The following WDSUB1 variants were observed in gnomAD, a reference collection of about 807,000 sequenced individuals.
The protein encoded by WDSUB1 is WD repeat, SAM and U-box domain-containing protein 1.
Under a neutral mutation model 53.9 loss-of-function variants are expected in WDSUB1, and 49 were observed. The ratio of observed to expected loss-of-function variants is 0.91; its 90% CI spans 0.72 to 1.15. WDSUB1 has a LOEUF of 1.15. Ranked by LOEUF, WDSUB1 falls within the 50% of genes most tolerant of loss-of-function variation. WDSUB1 has a pLI of 0.00. For synonymous variants in WDSUB1, 194 were observed against 200.6 expected, an observed-to-expected ratio of 0.97 and a Z score of 0.28; for missense variants, 514 against 562.0, an observed-to-expected ratio of 0.91 and a Z score of 0.86.
chr2:159,250,577 C>T (rs2060928968), intron 9 of WDSUB1, among the ~76,000 whole-genome samples: 2 of 152,286 alleles, frequency 1.3e-5, no homozygotes, highest in East Asian at 3.9e-4. Flanking sequence ...TTTATCGAGT[C>T]CACCTCTTCC....
At chr2:159,247,804 A>C (rs923579439) in intron 10 of WDSUB1, among the ~76,000 whole-genome samples, 1 of 145,752 alleles carries the variant, frequency 6.9e-6, no homozygotes, top group Non-Finnish European at 1.5e-5. Context: ...AAGCTATTCA[A>C]AGTGAAAACT....
chr2:159,271,594 C>A, intron 5 of WDSUB1, 108 bp downstream of exon 5: 1 of 944,636 alleles, frequency 1.1e-6, no homozygotes, highest in Admixed American at 2.2e-5. Context: ...TATTTCTTGA[C>A]CTTTGTGGTG....
At chr2:159,253,550 T>C (rs1275370056) in intron 9 of WDSUB1, among the ~76,000 whole-genome samples, 2 of 145,648 alleles carry the variant, frequency 1.4e-5, no homozygotes, top group African/African-American at 2.4e-5. Context: ...ATATACGACT[T>C]TGGTCTCAAA....
At chr2:159,265,746 T>C (rs556441904) in intron 5 of WDSUB1, among the ~76,000 whole-genome samples, 1 of 152,288 alleles carries the variant, frequency 6.6e-6, no homozygotes, top group South Asian at 2.1e-4. Flanking sequence ...CAGCGGCTGA[T>C]ATATATAATG....
At chr2:159,249,241 A>C (rs1467017229) in intron 9 of WDSUB1, among the ~76,000 whole-genome samples, 2 of 152,246 alleles carry the variant, frequency 1.3e-5, no homozygotes, top group African/African-American at 4.8e-5. Flanking sequence ...GAAACTGGAT[A>C]TATTTGCTGA....
At chr2:159,269,661 A>C (rs2061410412) in intron 5 of WDSUB1, among the ~76,000 whole-genome samples, 1 of 152,254 alleles carries the variant, frequency 6.6e-6, no homozygotes, top group African/African-American at 2.4e-5. Context: ...ATAGCAATAC[A>C]CAACAATAAT....
chr2:159,243,839 C>T (rs867404650), intron 10 of WDSUB1, among the ~76,000 whole-genome samples: 2 of 152,092 alleles, frequency 1.3e-5, no homozygotes, highest in African/African-American at 4.8e-5. Flanking sequence ...CTATATATAA[C>T]AGCCAACAAT....
At chr2:159,275,465 G>T in intron 4 of WDSUB1, 81 bp downstream of exon 4, 1 of 1,133,040 alleles carries the variant, frequency 8.8e-7, no homozygotes, top group Non-Finnish European at 1.3e-6. Flanking sequence ...AGATACTCAA[G>T]GTACCTTAAG....
At chr2:159,273,104 G>A (rs2061474485) in intron 4 of WDSUB1, among the ~76,000 whole-genome samples, 1 of 152,138 alleles carries the variant, frequency 6.6e-6, no homozygotes, top group Non-Finnish European at 1.5e-5. Context: ...AAAGTTTCAA[G>A]CTCAAAACAG....
intron 10 of WDSUB1, among the ~76,000 whole-genome samples, chr2:159,241,087 AC>A (rs1559523963): frequency 6.6e-6 from 1 of 152,230 alleles, no homozygotes. Context: ...TCAGAGTATA[AC>A]CAAGTATAAC....
chr2:159,282,822 G>C lies in WDSUB1; in HGVS notation c.248C>G (p.Thr83Ser). The C allele has an allele frequency of 1.2e-6, 2 of 1,614,190 alleles. No homozygotes were observed. The highest frequency in any genetic ancestry group is 1.7e-6 in the Non-Finnish European group (2 of 1,180,046). The change falls in exon 2 of 11, where the codon ACT (threonine) becomes AGT (serine). Residue 83 changes from threonine (T) to serine (S), a missense_variant. Physicochemically the swap from Thr to Ser is moderately conservative, Grantham distance 58 (BLOSUM62 1). Coordinates refer to ENST00000359774, the MANE Select transcript of WDSUB1 (RefSeq NM_001128212.3). ...CACTGCCAGCATCTGTCCATTTTCA[G>C]TATTCCATAGGACAGTGGTACCATC... Reference protein sequence around the residue: ...STDGTTVLWNTENGQMLAVME... With the variant: ...STDGTTVLWNSENGQMLAVME...
At chr2:159,261,896 ATTTTTTTTTTTTTTTTTTTTTT>A (rs869067609) in intron 5 of WDSUB1, among the ~76,000 whole-genome samples, 5 of 22,630 alleles carry the variant, frequency 2.2e-4, no homozygotes, top group African/African-American at 2.8e-4. Context: ...ATATATATAT[ATTTTTTTTTTTTTTTTTTTTTT>A]TTTTTTTTTT....
intron 10 of WDSUB1, among the ~76,000 whole-genome samples, chr2:159,247,894 T>TATATATATATAAAA (rs1283473239): frequency 2.3e-5 from 1 of 43,832 alleles, no homozygotes; most frequent in Non-Finnish European, 5.3e-5. Context: ...TAAATATATA[T>TATATATATATAAAA]ATATATATAT....
In WDSUB1 at chr2:159,282,681, T is replaced by A; in HGVS notation, c.389A>T (p.Lys130Ile). The A allele has an allele frequency of 6.2e-7, 1 of 1,610,424 alleles. No individual in the cohort carries two copies. Among genetic ancestry groups the A allele is most frequent in the Non-Finnish European group, 8.5e-7 (1 of 1,176,920 alleles). ...ATTTAAATATCCATACCTATATAAT[T>A]TGTATGACTGTGCATTCCACAAAAC... The part of the protein sequence containing the change: ...TVVLWNAQSY[K>I]LYRCGSVKDG... The change falls in exon 2 of 11, where the codon AAA becomes ATA. Residue 130 changes from lysine (K) to isoleucine (I), a missense_variant. Coordinates refer to ENST00000359774, the MANE Select transcript of WDSUB1 (RefSeq NM_001128212.3).
At chr2:159,284,662 A>C (rs1397920450) in intron 1 of WDSUB1, among the ~76,000 whole-genome samples, 1 of 152,244 alleles carries the variant, frequency 6.6e-6, no homozygotes, top group Admixed American at 6.5e-5. Flanking sequence ...AAAACCTAAG[A>C]AAGTGTCAAA....
intron 10 of WDSUB1, among the ~76,000 whole-genome samples, chr2:159,247,586 A>G (rs550708302): frequency 6.6e-6 from 1 of 152,216 alleles, no homozygotes; most frequent in African/African-American, 2.4e-5. Flanking sequence ...AAATGTGTCA[A>G]ACTGTTTTCA....
chr2:159,250,086 C>T (rs1325196894), intron 9 of WDSUB1, among the ~76,000 whole-genome samples: 1 of 41,240 alleles, frequency 2.4e-5, no homozygotes. Flanking sequence ...GAGACTCTGC[C>T]TCAAAAAAAA....
intron 3 of WDSUB1, 106 bp from the exon 4 acceptor site, chr2:159,275,744 T>C: frequency 1.2e-6 from 1 of 806,436 alleles, no homozygotes; most frequent in Non-Finnish European, 1.9e-6. Context: ...ATTTAAACCA[T>C]GTTCACAAGT....
intron 10 of WDSUB1, among the ~76,000 whole-genome samples, chr2:159,246,512 G>A (rs2060800980): frequency 6.6e-6 from 1 of 150,972 alleles, no homozygotes; most frequent in African/African-American, 2.4e-5. Flanking sequence ...GCAATACCAA[G>A]TGCTGGAGAG....
Sources: gnomAD v4.1 joint callset for allele counts (sites outside exome capture counted in the v4.1 genomes callset) on GRCh38, gnomAD v4.1.1 for gene constraint, MANE v1.5 for transcripts, NCBI Gene and HGNC (gene_info 2026-07-23, HGNC 2026-07-21) for gene names.